The following SHANK2 variants were observed in gnomAD, a reference collection of about 807,000 sequenced individuals.
SHANK2 encodes SH3 and multiple ankyrin repeat domains protein 2.
SHANK2 carries 43 observed loss-of-function variants against 133.7 expected under a neutral mutation model. That is an observed-to-expected ratio of 0.32 (90% CI 0.25 to 0.41). The LOEUF (loss-of-function observed/expected upper bound fraction) is 0.41. Among genes scored for constraint, SHANK2 ranks in the 10% least tolerant of loss-of-function variants. SHANK2 has a pLI of 1.00. For synonymous variants in SHANK2, 1,017 were observed against 952.8 expected (o/e 1.07, Z -1.24); for missense variants, 1,994 against 2,235.8 (o/e 0.89, Z 2.18).
rs72957667 is a variant in SHANK2, at chr11:71,129,283, A to G, written c.208-10251T>C. Among the ~76,000 whole-genome samples, 527 of 152,304 alleles carry G rather than the reference A, an allele frequency of 3.5e-3. 3 individuals carry two copies. The highest frequency in any genetic ancestry group is 9.3e-3 in the South Asian group (45 of 4,828). On this transcript the variant is annotated intron_variant, in intron 3 of 25. Coordinates refer to ENST00000601538, the MANE Select transcript of SHANK2 (RefSeq NM_012309.5). ...TTGTACTCAGTGGACTGTGCAGACC[A>G]TTAACTACAGCAATGATTCTGGCGA...
intron 12 of SHANK2, among the ~76,000 whole-genome samples, chr11:70,816,718 C>T (rs1490491530): frequency 7.9e-5 from 12 of 152,204 alleles, no homozygotes; most frequent in African/African-American, 2.7e-4. Flanking sequence ...TTGGGTTGCA[C>T]AGTCCTGTGA....
At chr11:70,546,526 A>G (rs537075765) in intron 17 of SHANK2, among the ~76,000 whole-genome samples, 1 of 152,272 alleles carries the variant, frequency 6.6e-6, no homozygotes, top group South Asian at 2.1e-4. Context: ...CCAAGTTGTC[A>G]AGTTGTCGAG....
intron 17 of SHANK2, among the ~76,000 whole-genome samples, chr11:70,560,126 A>G (rs1293228791): frequency 6.6e-6 from 1 of 151,524 alleles, no homozygotes; most frequent in Non-Finnish European, 1.5e-5. Context: ...CCCGCCTCAG[A>G]CTCCCAAAGT....
At chr11:70,637,078 T>A (rs2061112062) in intron 17 of SHANK2, among the ~76,000 whole-genome samples, 1 of 52,564 alleles carries the variant, frequency 1.9e-5, no homozygotes, top group African/African-American at 5.4e-5. Flanking sequence ...TGTGTGCACG[T>A]GTGTGTGCAT....
intron 14 of SHANK2, among the ~76,000 whole-genome samples, chr11:70,728,609 C>A (rs1281377621): frequency 2.0e-5 from 3 of 152,210 alleles, no homozygotes; most frequent in African/African-American, 7.2e-5. Context: ...ACCCAAACAA[C>A]ACATCTTCCT....
intron 2 of SHANK2, among the ~76,000 whole-genome samples, chr11:71,219,911 A>G (rs184233249): frequency 2.0e-3 from 302 of 149,568 alleles, no homozygotes; most frequent in Non-Finnish European, 3.4e-3. Flanking sequence ...AAATAATTAA[A>G]TTAAATTAAA....
rs1945136793 is a variant in SHANK2, at chr11:70,685,871, G to A, written c.1853+12817C>T. Among the ~76,000 whole-genome samples, 3 of 152,030 alleles carry A rather than the reference G, an allele frequency of 2.0e-5. No individual in the cohort carries two copies. The South Asian group carries it at 6.2e-4, about 32-fold the overall frequency. On this transcript the variant is annotated intron_variant, in intron 15 of 25. Coordinates refer to ENST00000601538, the MANE Select transcript of SHANK2 (RefSeq NM_012309.5). ...TGTACCAAGTACTGCCTATAGAGAG[G>A]TCTGAGCACACTGCCCAACTTTGGT...
chr11:70,736,676 C>T (rs567385332), intron 14 of SHANK2, among the ~76,000 whole-genome samples: 295 of 152,280 alleles, frequency 1.9e-3, no homozygotes, highest in African/African-American at 6.7e-3. Flanking sequence ...TGAGACAATC[C>T]GTTCTCTGCT....
chr11:70,687,599 G>A (rs1307849426), intron 15 of SHANK2, among the ~76,000 whole-genome samples: 3 of 151,928 alleles, frequency 2.0e-5, no homozygotes, highest in African/African-American at 7.3e-5. Flanking sequence ...TGGGGGTAGG[G>A]GGGTGGGCGG....
At chr11:71,196,498 C>T (rs1953905555) in intron 2 of SHANK2, among the ~76,000 whole-genome samples, 1 of 151,810 alleles carries the variant, frequency 6.6e-6, no homozygotes, top group South Asian at 2.1e-4. Context: ...GTTGGCCAGT[C>T]TGGTCTCAAA....
At chr11:70,682,613 A>G (rs1945052365) in intron 15 of SHANK2, among the ~76,000 whole-genome samples, 1 of 152,230 alleles carries the variant, frequency 6.6e-6, no homozygotes, top group African/African-American at 2.4e-5. Flanking sequence ...AAAAGTGGGC[A>G]CTGTTGTTTT....
chr11:70,676,878 T>A (rs1944914347), intron 15 of SHANK2, among the ~76,000 whole-genome samples: 1 of 152,188 alleles, frequency 6.6e-6, no homozygotes, highest in South Asian at 2.1e-4. Flanking sequence ...AGAGAAGATC[T>A]AGTCACAACC....
chr11:70,757,026 A>G (rs186761251), intron 14 of SHANK2, among the ~76,000 whole-genome samples: 542 of 152,318 alleles, frequency 3.6e-3, no homozygotes, highest in Non-Finnish European at 6.6e-3. Context: ...ACGTTTGGCA[A>G]GGATTATGGA....
chr11:71,088,290 A>T (rs1024225177), intron 8 of SHANK2, among the ~76,000 whole-genome samples: 2 of 152,142 alleles, frequency 1.3e-5, no homozygotes, highest in African/African-American at 4.8e-5. Context: ...ATACTATTTT[A>T]AAAAATTCTG....
At chr11:71,136,620 T>C (rs1373025360) in intron 3 of SHANK2, among the ~76,000 whole-genome samples, 1 of 152,208 alleles carries the variant, frequency 6.6e-6, no homozygotes, top group Non-Finnish European at 1.5e-5. Flanking sequence ...CCCACTGAAT[T>C]TATACCCAAA....
intron 17 of SHANK2, among the ~76,000 whole-genome samples, chr11:70,638,214 G>C (rs904036201): frequency 1.3e-5 from 2 of 152,226 alleles, no homozygotes; most frequent in Non-Finnish European, 2.9e-5. Context: ...GAACAGGCTC[G>C]GCATAGAATG....
At chr11:70,529,792 T>G (rs2059445009) in intron 17 of SHANK2, among the ~76,000 whole-genome samples, 1 of 152,214 alleles carries the variant, frequency 6.6e-6, no homozygotes, top group Non-Finnish European at 1.5e-5. Flanking sequence ...AGACACTATC[T>G]GGCCTTTCAT....
intron 11 of SHANK2, among the ~76,000 whole-genome samples, chr11:70,886,721 A>ACC (rs1949752816): frequency 1.1e-5 from 1 of 91,160 alleles, no homozygotes; most frequent in African/African-American, 3.1e-5. Context: ...ACACACACAC[A>ACC]CCCCTAACAT....
rs901630206 is a variant in SHANK2 at position 70,781,179 on chromosome 11, G to A, written c.1777+17264C>T. On this transcript the variant is annotated intron_variant, in intron 14 of 25. Coordinates refer to ENST00000601538, the MANE Select transcript of SHANK2 (RefSeq NM_012309.5). Reference sequence around the variant, plus strand: ...ACCGGTTGCCGTGAGACCCCGGACCGGTTGCATGTAAGGAGCTCACATCCT... The same window carrying A: ...ACCGGTTGCCGTGAGACCCCGGACCAGTTGCATGTAAGGAGCTCACATCCT... 2.6e-5 allele frequency among the ~76,000 whole-genome samples: 4 copies of A among 151,682 alleles called. No individual in the cohort carries two copies. The East Asian group carries it at 7.8e-4, about 30-fold the overall frequency.
Sources: allele counts gnomAD v4.1 joint callset (sites outside exome capture counted in the v4.1 genomes callset), GRCh38; gene constraint gnomAD v4.1.1; transcripts MANE v1.5; gene names NCBI Gene and HGNC (gene_info 2026-07-23, HGNC 2026-07-21).